The following SPIRE1 variants were observed in gnomAD, a reference collection of about 807,000 sequenced individuals.
SPIRE1 encodes the protein spire type actin nucleation factor 1.
Under a neutral mutation model 94.1 loss-of-function variants are expected in SPIRE1, and 40 were observed. That is an observed-to-expected ratio of 0.43 (90% CI 0.33 to 0.55). The LOEUF (loss-of-function observed/expected upper bound fraction) is 0.55, where lower values mean the gene tolerates loss of function less well. Among genes scored for constraint, SPIRE1 ranks in the 20% least tolerant of loss-of-function variants. The pLI is 0.06. For missense variants in SPIRE1, 838 were observed against 975.2 expected, an observed-to-expected ratio of 0.86 and a Z score of 1.87; for synonymous variants, 376 against 371.7, an observed-to-expected ratio of 1.01 and a Z score of -0.13.
intron 3 of SPIRE1, among the ~76,000 whole-genome samples, chr18:12,541,912 C>A (rs995108560): frequency 1.3e-5 from 2 of 150,876 alleles, no homozygotes; most frequent in Admixed American, 6.6e-5. Flanking sequence ...TTTAGTTAAC[C>A]CAATACAATA....
rs189785628 is a variant in SPIRE1, at chr18:12,477,115, G to C, written c.1404+2584C>G. ...TCTTCAAAAAGAGGACCACAAAGAA[G>C]GTTACAGAGGCTGCAAATTTATCTG... On this transcript the variant is annotated intron_variant, in intron 10 of 16. Transcript: ENST00000409402. 3.3e-3 allele frequency among the ~76,000 whole-genome samples: 505 copies of C among 152,316 alleles called. 17 individuals carry two copies. The highest frequency in any genetic ancestry group is 0.031 in the Admixed American group (469 of 15,296).
chr18:12,587,549 C>T (rs775580053), intron 2 of SPIRE1, among the ~76,000 whole-genome samples: 15 of 152,188 alleles, frequency 9.9e-5, no homozygotes, highest in Non-Finnish European at 1.9e-4. Flanking sequence ...AACAAAACAG[C>T]TGATTCATCA....
At chr18:12,458,095 C>T (rs187423848) in intron 12 of SPIRE1, among the ~76,000 whole-genome samples, 324 of 151,214 alleles carry the variant, frequency 2.1e-3, no homozygotes, top group Admixed American at 3.3e-3. Context: ...CCACCCGCCT[C>T]GGCCTCCCAA....
intron 2 of SPIRE1, among the ~76,000 whole-genome samples, chr18:12,577,698 T>C (rs2036147514): frequency 1.3e-5 from 2 of 152,216 alleles, no homozygotes; most frequent in African/African-American, 2.4e-5. Flanking sequence ...CTTCTCGGCC[T>C]TTTGGCTAAG....
chr18:12,607,109 C>T (rs886954803), intron 2 of SPIRE1, among the ~76,000 whole-genome samples: 1 of 152,052 alleles, frequency 6.6e-6, no homozygotes. Context: ...GAGTAAATTT[C>T]CTGGTTTCTA....
At chr18:12,641,396 G>A (rs1354091870) in intron 1 of SPIRE1, among the ~76,000 whole-genome samples, 29 of 148,026 alleles carry the variant, frequency 2.0e-4, no homozygotes, top group Admixed American at 1.9e-3. Flanking sequence ...TTGAGATGGA[G>A]TCTCGCTCTG....
intron 2 of SPIRE1, among the ~76,000 whole-genome samples, chr18:12,627,946 G>A (rs963450504): frequency 1.3e-5 from 2 of 152,090 alleles, no homozygotes; most frequent in Non-Finnish European, 2.9e-5. Flanking sequence ...GTAGATTCTG[G>A]ATATTAGCCC....
At chr18:12,647,727 C>A (rs777545531) in intron 1 of SPIRE1, among the ~76,000 whole-genome samples, 4 of 152,188 alleles carry the variant, frequency 2.6e-5, no homozygotes, top group Non-Finnish European at 5.9e-5. Context: ...GCACTCCTGC[C>A]TGGGCAACAG....
At chr18:12,615,325 C>A (rs571686712) in intron 2 of SPIRE1, among the ~76,000 whole-genome samples, 1 of 1,072 alleles carries the variant, frequency 9.3e-4, no homozygotes, top group African/African-American at 2.4e-3. Context: ...GAAACTCTGT[C>A]TCAAAAAAAA....
In SPIRE1 at chr18:12,449,788, C is replaced by T. The variant is rs2031134410; in HGVS notation, c.2121G>A (p.Lys707=). 3 of 1,614,132 alleles carry T rather than the reference C, an allele frequency of 1.9e-6. No individual in the cohort carries two copies. The highest frequency in any genetic ancestry group is 2.5e-6 in the Non-Finnish European group (3 of 1,180,030). The change falls in exon 17 of 17, where the codon AAG becomes AAA. Residue 707 remains lysine, a synonymous_variant. Coordinates refer to ENST00000409402, the MANE Select transcript of SPIRE1 (RefSeq NM_001128626.2). ...TTGAACTGATGATTTCCGAAATGAA[C>T]TTCTTGCAGTCCACACACACCTCCA... ...STMEVCVDCK[K]FISEIISSSR... is the part of the protein sequence containing the mutation.
chr18:12,456,312 G>A (rs2031504495), intron 12 of SPIRE1, among the ~76,000 whole-genome samples: 5 of 152,124 alleles, frequency 3.3e-5, no homozygotes, highest in Admixed American at 1.3e-4. Context: ...AACAATAAAC[G>A]GCCTTTTTGA....
rs113094961 is a variant in SPIRE1 at position 12,565,414 on chromosome 18, G to A, written c.373-18510C>T. ...CATTGGGAAGGAGCCTCGCTCTGTCGCCCAGGCTGGAGTGCAGTGGTGCAA... is the reference window on the plus strand; with the variant it reads ...CATTGGGAAGGAGCCTCGCTCTGTCACCCAGGCTGGAGTGCAGTGGTGCAA... On this transcript the variant is annotated intron_variant, in intron 2 of 16. Coordinates refer to ENST00000409402, the MANE Select transcript of SPIRE1 (RefSeq NM_001128626.2). Among the ~76,000 whole-genome samples, 789 of 151,906 alleles carry A rather than the reference G, an allele frequency of 5.2e-3. 1 individual carries two copies. Among genetic ancestry groups the A allele is most frequent in the Non-Finnish European group, 8.6e-3 (582 of 67,956 alleles).
At chr18:12,634,062 C>A (rs913124284) in intron 2 of SPIRE1, among the ~76,000 whole-genome samples, 4 of 152,000 alleles carry the variant, frequency 2.6e-5, no homozygotes, top group African/African-American at 9.7e-5. Flanking sequence ...TCCTGGCTAA[C>A]ACGGTGAAAC....
upstream of SPIRE1, chr18:12,658,186 G>T: frequency 1.3e-6 from 1 of 751,994 alleles, no homozygotes; most frequent in South Asian, 1.6e-5. Flanking sequence ...CGCACGGGCC[G>T]GGGGATGCAC....
chr18:12,509,405 T>C (rs911032035), intron 5 of SPIRE1, among the ~76,000 whole-genome samples: 20 of 152,214 alleles, frequency 1.3e-4, no homozygotes, highest in African/African-American at 4.8e-4. Context: ...CTGGAAGTTA[T>C]TTATCTGGTT....
At chr18:12,623,870 C>T (rs767712994) in intron 2 of SPIRE1, among the ~76,000 whole-genome samples, 3 of 151,664 alleles carry the variant, frequency 2.0e-5, no homozygotes, top group Admixed American at 6.6e-5. Context: ...TCAGGTGATC[C>T]GCCTGCCTCG....
intron 2 of SPIRE1, among the ~76,000 whole-genome samples, chr18:12,605,285 G>A (rs1180348717): frequency 3.3e-5 from 5 of 149,910 alleles, no homozygotes; most frequent in African/African-American, 4.9e-5. Context: ...TTGGGAGGCC[G>A]AGGTGGGCGG....
At chr18:12,624,947 A>G (rs545595132) in intron 2 of SPIRE1, among the ~76,000 whole-genome samples, 2 of 152,246 alleles carry the variant, frequency 1.3e-5, no homozygotes, top group Middle Eastern at 3.4e-3. Context: ...AAACTATTCA[A>G]AGGAACACTA....
chr18:12,635,982 G>A (rs886336601), intron 1 of SPIRE1, among the ~76,000 whole-genome samples: 2 of 151,198 alleles, frequency 1.3e-5, no homozygotes, highest in Admixed American at 6.6e-5. Context: ...ACCCACTCCC[G>A]GGTCCAAGTA....
Sources: allele counts gnomAD v4.1 joint callset (sites outside exome capture counted in the v4.1 genomes callset), GRCh38; gene constraint gnomAD v4.1.1; transcripts MANE v1.5; gene names NCBI Gene and HGNC (gene_info 2026-07-23, HGNC 2026-07-21).